Variants in RBFOX1 observed in about 807,000 individuals in gnomAD.
RBFOX1 encodes the protein RNA binding fox-1 homolog 1.
A neutral mutation model predicts 57.7 loss-of-function variants in RBFOX1; 8 were observed. The ratio of observed to expected loss-of-function variants is 0.14; its 90% CI spans 0.08 to 0.25. The LOEUF is 0.25. RBFOX1 is among the 10% of genes least tolerant of loss of function. The probability of loss-of-function intolerance (pLI) is 1.00; values close to 1 mark genes in which losing one functional copy is unlikely to be tolerated. For missense variants in RBFOX1, 611 were observed against 548.5 expected (o/e 1.11, Z -1.14); for synonymous variants, 326 against 222.4 (o/e 1.47, Z -4.15).
chr16:6,630,543 C>T (rs1335821696), intron 2 of RBFOX1, among the ~76,000 whole-genome samples: 1 of 152,088 alleles, frequency 6.6e-6, no homozygotes, highest in African/African-American at 2.4e-5. Flanking sequence ...AAGCACTATT[C>T]ATAAGGCCAC....
intron 2 of RBFOX1, among the ~76,000 whole-genome samples, chr16:6,508,177 C>G (rs1206755310): frequency 6.6e-6 from 1 of 151,964 alleles, no homozygotes; most frequent in Non-Finnish European, 1.5e-5. Flanking sequence ...AACGCATGGA[C>G]ACATAGAGTG....
intron 4 of RBFOX1, among the ~76,000 whole-genome samples, chr16:6,001,644 A>G (rs1228172828): frequency 6.6e-6 from 1 of 152,242 alleles, no homozygotes. Context: ...TTGCTTAAAT[A>G]CATGGTAACA....
chr16:7,422,290 G>T (rs1568805905), intron 4 of RBFOX1, among the ~76,000 whole-genome samples: 1 of 152,116 alleles, frequency 6.6e-6, no homozygotes, highest in Non-Finnish European at 1.5e-5. Flanking sequence ...TATCATGTAG[G>T]CGTCTATACC....
chr16:7,426,358 A>C (rs2098611922), intron 4 of RBFOX1, among the ~76,000 whole-genome samples: 1 of 152,128 alleles, frequency 6.6e-6, no homozygotes, highest in Non-Finnish European at 1.5e-5. Context: ...TCACCACTTA[A>C]CACCCAGCTC....
At chr16:6,955,533 C>G (rs1371797679) in intron 3 of RBFOX1, among the ~76,000 whole-genome samples, 1 of 150,896 alleles carries the variant, frequency 6.6e-6, no homozygotes, top group Non-Finnish European at 1.5e-5. Context: ...TTGCTTTTTT[C>G]AAAGGGCAGT....
chr16:5,993,912 G>A (rs141922241), intron 4 of RBFOX1, among the ~76,000 whole-genome samples: 52 of 152,332 alleles, frequency 3.4e-4, no homozygotes, highest in African/African-American at 1.1e-3. Flanking sequence ...GTCCCGCTGG[G>A]TGGGAGATTC....
chr16:7,336,168 C>T (rs2096783313), intron 4 of RBFOX1, among the ~76,000 whole-genome samples: 3 of 152,272 alleles, frequency 2.0e-5, no homozygotes, highest in African/African-American at 7.2e-5. Context: ...CCCAAGTCAG[C>T]CTCGAGTCCA....
intron 3 of RBFOX1, among the ~76,000 whole-genome samples, chr16:6,843,896 C>A (rs1399749440): frequency 6.6e-6 from 1 of 152,126 alleles, no homozygotes; most frequent in Non-Finnish European, 1.5e-5. Flanking sequence ...CCTTCAGTAT[C>A]TAAGAATATG....
At chr16:6,436,492 C>G (rs557466877) in intron 2 of RBFOX1, among the ~76,000 whole-genome samples, 7 of 148,750 alleles carry the variant, frequency 4.7e-5, no homozygotes, top group African/African-American at 1.7e-4. Flanking sequence ...TTGACAGTAT[C>G]CTGCCTGGTT....
chr16:7,514,821 T>C lies in RBFOX1; in HGVS notation c.28-3326T>C, dbSNP rs531878420. ...AAGTCTACAAGGAGCCTTAGCTCTT[T>C]TGCAAGAACTAGTAGGAATGGGCCA... On this transcript the variant is annotated intron_variant, in intron 4 of 15. Coordinates refer to ENST00000550418, the MANE Select transcript of RBFOX1 (RefSeq NM_018723.4). Among the ~76,000 whole-genome samples, 4 of 152,302 alleles carry C rather than the reference T, an allele frequency of 2.6e-5. No individual in the cohort carries two copies. The South Asian group carries it at 8.3e-4, about 32-fold the overall frequency.
chr16:7,051,995 C>G, intron 3 of RBFOX1, 62 bp from the exon 4 acceptor site: 4 of 1,581,114 alleles, frequency 2.5e-6, no homozygotes, highest in Non-Finnish European at 3.4e-6. Context: ...TTTCTGTTTT[C>G]TTTCATGTTT....
chr16:6,154,133 C>G (rs2096822488), intron 1 of RBFOX1, among the ~76,000 whole-genome samples: 1 of 152,204 alleles, frequency 6.6e-6, no homozygotes, highest in African/African-American at 2.4e-5. Context: ...TAATCTCACG[C>G]TGACGCTTAC....
At chr16:7,623,074 C>G (rs1300341615) in intron 10 of RBFOX1, among the ~76,000 whole-genome samples, 1 of 152,114 alleles carries the variant, frequency 6.6e-6, no homozygotes, top group African/African-American at 2.4e-5. Context: ...GCTTCTAAGT[C>G]CAAGAGAAGT....
intron 2 of RBFOX1, among the ~76,000 whole-genome samples, chr16:6,411,750 A>G (rs2093464561): frequency 6.6e-6 from 1 of 152,260 alleles, no homozygotes. Context: ...ACTTTGCATA[A>G]AATGAACAAT....
chr16:6,183,520 A>AAAT (rs1400464377), intron 1 of RBFOX1, among the ~76,000 whole-genome samples: 2 of 150,282 alleles, frequency 1.3e-5, no homozygotes, highest in African/African-American at 2.5e-5. Context: ...ATAAATAAAT[A>AAAT]AATAAATGTA....
At chr16:6,226,119 G>A (rs1290098053) in intron 1 of RBFOX1, among the ~76,000 whole-genome samples, 1 of 151,454 alleles carries the variant, frequency 6.6e-6, no homozygotes, top group Admixed American at 6.6e-5. Flanking sequence ...CAGCACTTTG[G>A]GAGGCCGAGG....
intron 3 of RBFOX1, among the ~76,000 whole-genome samples, chr16:7,022,420 G>A (rs1051716283): frequency 2.2e-4 from 34 of 152,058 alleles, no homozygotes; most frequent in African/African-American, 8.0e-4. Context: ...TAAACCCAGA[G>A]CATATCTTCA....
At chr16:6,737,007 C>T (rs144742467) in intron 3 of RBFOX1, among the ~76,000 whole-genome samples, 5 of 152,278 alleles carry the variant, frequency 3.3e-5, no homozygotes, top group South Asian at 2.1e-4. Context: ...ACACGGGAAC[C>T]GTCTGAAAAG....
chr16:6,468,074 C>G (rs1240579953), intron 2 of RBFOX1, among the ~76,000 whole-genome samples: 1 of 151,956 alleles, frequency 6.6e-6, no homozygotes, highest in African/African-American at 2.4e-5. Context: ...TGGGGGAATA[C>G]GGAGTGGGGA....
Sources: allele counts gnomAD v4.1 joint callset (sites outside exome capture counted in the v4.1 genomes callset), GRCh38; gene constraint gnomAD v4.1.1; transcripts MANE v1.5; gene names NCBI Gene and HGNC (gene_info 2026-07-23, HGNC 2026-07-21).